The following DLGAP1 variants were observed in gnomAD, a reference collection of about 807,000 sequenced individuals.
DLGAP1 encodes the protein DLG associated protein 1.
A neutral mutation model predicts 90.8 loss-of-function variants in DLGAP1; 11 were observed. That is an observed-to-expected ratio of 0.12 (90% CI 0.08 to 0.20). The LOEUF is 0.20. DLGAP1 is among the 10% of genes least tolerant of loss of function. DLGAP1 has a pLI of 1.00. For missense variants in DLGAP1, 1,050 were observed against 1,333.8 expected, an observed-to-expected ratio of 0.79 and a Z score of 3.31; for synonymous variants, 558 against 540.7, an observed-to-expected ratio of 1.03 and a Z score of -0.44.
intron 6 of DLGAP1, among the ~76,000 whole-genome samples, chr18:3,738,549 T>C (rs2062757245): frequency 6.6e-6 from 1 of 151,604 alleles, no homozygotes; most frequent in Admixed American, 6.6e-5. Context: ...TAATAAATGG[T>C]GCTTGGAAAA....
chr18:4,244,127 T>C (rs184804362), intron 1 of DLGAP1, among the ~76,000 whole-genome samples: 3 of 152,304 alleles, frequency 2.0e-5, no homozygotes, highest in Admixed American at 6.5e-5. Context: ...ATCTAATACA[T>C]AGTCCATTCT....
chr18:4,069,034 A>G (rs1338690503), intron 2 of DLGAP1, among the ~76,000 whole-genome samples: 1 of 152,102 alleles, frequency 6.6e-6, no homozygotes, highest in African/African-American at 2.4e-5. Context: ...CTCAGTTTCA[A>G]TGTCCTTTTG....
intron 1 of DLGAP1, among the ~76,000 whole-genome samples, chr18:4,258,326 G>GAGCC (rs1238879864): frequency 6.6e-6 from 1 of 151,822 alleles, no homozygotes; most frequent in Non-Finnish European, 1.5e-5. Context: ...TAACAGGCTT[G>GAGCC]AGCCACCACA....
At chr18:4,087,637 A>C (rs1241130900) in intron 2 of DLGAP1, among the ~76,000 whole-genome samples, 2 of 152,146 alleles carry the variant, frequency 1.3e-5, no homozygotes, top group African/African-American at 2.4e-5. Context: ...ATATTTCTGC[A>C]TGTGTGTCTT....
chr18:4,368,994 A>C (rs1182038580), intron 1 of DLGAP1, among the ~76,000 whole-genome samples: 1 of 152,094 alleles, frequency 6.6e-6, no homozygotes, highest in African/African-American at 2.4e-5. Flanking sequence ...ACTGCAGGCA[A>C]GTTTAACCGA....
chr18:3,895,620 C>T (rs1338141222), intron 3 of DLGAP1, among the ~76,000 whole-genome samples: 1 of 152,202 alleles, frequency 6.6e-6, no homozygotes, highest in Non-Finnish European at 1.5e-5. Context: ...AAAAGTGTGA[C>T]AATTTATAAG....
intron 7 of DLGAP1, among the ~76,000 whole-genome samples, chr18:3,656,908 G>A (rs930659610): frequency 3.3e-5 from 5 of 151,910 alleles, no homozygotes; most frequent in East Asian, 1.9e-4. Context: ...CAGCACGCCC[G>A]GCTAATTTTT....
At chr18:4,297,925 G>T (rs1357119675) in intron 1 of DLGAP1, among the ~76,000 whole-genome samples, 1 of 152,010 alleles carries the variant, frequency 6.6e-6, no homozygotes, top group Non-Finnish European at 1.5e-5. Flanking sequence ...TAACAGCATC[G>T]CCATGAAAGG....
intron 2 of DLGAP1, among the ~76,000 whole-genome samples, chr18:4,130,660 C>T (rs1489316625): frequency 5.3e-5 from 8 of 152,186 alleles, no homozygotes; most frequent in Non-Finnish European, 1.2e-4. Flanking sequence ...CACACCCTCC[C>T]ATCGCACACA....
At chr18:3,686,614 T>C (rs965291892) in intron 7 of DLGAP1, among the ~76,000 whole-genome samples, 3 of 146,296 alleles carry the variant, frequency 2.1e-5, no homozygotes, top group African/African-American at 8.3e-5. Flanking sequence ...CAAGAGACTT[T>C]AGTTGCCCCA....
intron 11 of DLGAP1, among the ~76,000 whole-genome samples, chr18:3,504,927 G>A (rs548980570): frequency 6.6e-6 from 1 of 152,316 alleles, no homozygotes; most frequent in Admixed American, 6.5e-5. Flanking sequence ...AGAGTGGGGA[G>A]AGCCAAGGGA....
At chr18:4,042,950 T>G (rs2074997601) in intron 2 of DLGAP1, among the ~76,000 whole-genome samples, 1 of 152,208 alleles carries the variant, frequency 6.6e-6, no homozygotes, top group South Asian at 2.1e-4. Flanking sequence ...GGATAATTTT[T>G]CTCTTCTAAA....
chr18:3,741,028 A>AT (rs1343936706), intron 6 of DLGAP1, among the ~76,000 whole-genome samples: 7 of 94,216 alleles, frequency 7.4e-5, no homozygotes, highest in South Asian at 3.9e-4. Context: ...CACCACCACC[A>AT]CCACCACCAT....
chr18:4,187,235 GC>G (rs1231125883), intron 1 of DLGAP1, among the ~76,000 whole-genome samples: 6 of 152,184 alleles, frequency 3.9e-5, no homozygotes, highest in Admixed American at 1.3e-4. Flanking sequence ...CTATCTGGAT[GC>G]CCTTTATTTC....
chr18:3,512,331 T>C (rs1188449443), intron 10 of DLGAP1, among the ~76,000 whole-genome samples: 1 of 152,190 alleles, frequency 6.6e-6, no homozygotes, highest in Non-Finnish European at 1.5e-5. Context: ...GCTTATAGAC[T>C]CCTCCCTTTC....
intron 1 of DLGAP1, among the ~76,000 whole-genome samples, chr18:4,155,054 AG>A: frequency 6.6e-6 from 1 of 152,276 alleles, no homozygotes; most frequent in East Asian, 1.9e-4. Context: ...AGGGAGGTGT[AG>A]GGAGGAGAAG....
intron 7 of DLGAP1, among the ~76,000 whole-genome samples, chr18:3,667,903 C>T (rs1380775): frequency 0.13 from 19,755 of 152,146 alleles, 1,579 homozygotes; most frequent in Non-Finnish European, 0.17. Flanking sequence ...AGGCTTATTT[C>T]TAAACTCCTT....
intron 3 of DLGAP1, among the ~76,000 whole-genome samples, chr18:3,925,613 G>A (rs189519185): frequency 5.0e-3 from 767 of 152,172 alleles, no homozygotes; most frequent in Middle Eastern, 0.01. Context: ...AATCACACAG[G>A]TCAATAGAGC....
intron 6 of DLGAP1, 94 bp downstream of exon 6, chr18:3,742,241 T>C: frequency 6.9e-7 from 1 of 1,450,764 alleles, no homozygotes; most frequent in Non-Finnish European, 9.4e-7. Flanking sequence ...GTCTACTGGA[T>C]GAATGACTGC....
Sources: allele counts gnomAD v4.1 joint callset (sites outside exome capture counted in the v4.1 genomes callset), GRCh38; gene constraint gnomAD v4.1.1; transcripts MANE v1.5; gene names NCBI Gene and HGNC (gene_info 2026-07-23, HGNC 2026-07-21).